LOC128462377: variants seen among roughly 807,000 people sequenced by gnomAD.
At chr16:89,329,876 C>A in the LOC128462377 span, among the ~76,000 whole-genome samples, 1 of 151,934 alleles carries the variant, frequency 6.6e-6, no homozygotes, top group Non-Finnish European at 1.5e-5. Flanking sequence ...CATGGTGGTG[C>A]GTGCCTGTAA....
the LOC128462377 span, among the ~76,000 whole-genome samples, chr16:89,357,726 G>C: frequency 1.3e-5 from 2 of 152,160 alleles, no homozygotes; most frequent in African/African-American, 4.8e-5. Context: ...CCACTCACAG[G>C]GTCCAGGGAC....
the LOC128462377 span, among the ~76,000 whole-genome samples, chr16:89,321,397 C>CGGGACTGTGGGGAG: frequency 2.2e-5 from 2 of 92,492 alleles, no homozygotes; most frequent in African/African-American, 4.4e-5. Context: ...GGCTGCAGGG[C>CGGGACTGTGGGGAG]GGGACTGTGG....
the LOC128462377 span, among the ~76,000 whole-genome samples, chr16:89,349,754 C>T: frequency 6.6e-6 from 1 of 152,008 alleles, no homozygotes; most frequent in Non-Finnish European, 1.5e-5. Flanking sequence ...ACAAAAAGCA[C>T]AAAGTACCCA....
chr16:89,396,980 G>A, the LOC128462377 span, among the ~76,000 whole-genome samples: 1 of 152,088 alleles, frequency 6.6e-6, no homozygotes, highest in Admixed American at 6.5e-5. Context: ...ATGAGCCAGG[G>A]GACTTGACCA....
chr16:89,416,012 G>C, the LOC128462377 span, among the ~76,000 whole-genome samples: 2 of 151,750 alleles, frequency 1.3e-5, no homozygotes, highest in Admixed American at 6.6e-5. Flanking sequence ...CTCATGCTAA[G>C]GGCCTTCCTC....
the LOC128462377 span, among the ~76,000 whole-genome samples, chr16:89,363,624 C>G: frequency 6.7e-6 from 1 of 150,190 alleles, no homozygotes; most frequent in Admixed American, 6.6e-5. Context: ...CAAACGCACT[C>G]TGTGTGCCAA....
chr16:89,380,692 T>C, the LOC128462377 span, among the ~76,000 whole-genome samples: 1 of 152,250 alleles, frequency 6.6e-6, no homozygotes, highest in African/African-American at 2.4e-5. Flanking sequence ...AAGGAAAGCC[T>C]GACGAGTACC....
chr16:89,351,239 A>AGAAT, the LOC128462377 span, among the ~76,000 whole-genome samples: 1 of 152,198 alleles, frequency 6.6e-6, no homozygotes, highest in African/African-American at 2.4e-5. Flanking sequence ...TCCACGGCAA[A>AGAAT]GAATGAAATT....
At chr16:89,366,107 G>A in the LOC128462377 span, among the ~76,000 whole-genome samples, 1 of 140,654 alleles carries the variant, frequency 7.1e-6, no homozygotes, top group Middle Eastern at 4.2e-3. Flanking sequence ...TCTAGCCTGG[G>A]TGACAAAGTG....
At chr16:89,382,161 A>G in the LOC128462377 span, among the ~76,000 whole-genome samples, 50 of 152,036 alleles carry the variant, frequency 3.3e-4, no homozygotes, top group Non-Finnish European at 6.3e-4. Context: ...GTCTGCTCCC[A>G]CCCATCTCCT....
the LOC128462377 span, among the ~76,000 whole-genome samples, chr16:89,378,610 G>T: frequency 6.6e-6 from 1 of 152,196 alleles, no homozygotes; most frequent in Non-Finnish European, 1.5e-5. Flanking sequence ...AGCATGACTA[G>T]CAAGTGCTCA....
the LOC128462377 span, among the ~76,000 whole-genome samples, chr16:89,319,198 T>C: frequency 6.6e-6 from 1 of 152,190 alleles, no homozygotes; most frequent in East Asian, 1.9e-4. Flanking sequence ...ACTCAACAGC[T>C]CTGGCGTGGT....
chr16:89,330,610 C>A, the LOC128462377 span, among the ~76,000 whole-genome samples: 2 of 127,812 alleles, frequency 1.6e-5, no homozygotes, highest in African/African-American at 6.0e-5. Flanking sequence ...CAAGGGGCTG[C>A]GTGAGGGTCC....
At chr16:89,405,395 C>T in the LOC128462377 span, among the ~76,000 whole-genome samples, 2 of 152,002 alleles carry the variant, frequency 1.3e-5, no homozygotes, top group African/African-American at 4.8e-5. Flanking sequence ...GTGATATGAG[C>T]TCACCGTAGC....
chr16:89,330,552 G>A, the LOC128462377 span, among the ~76,000 whole-genome samples: 2 of 151,830 alleles, frequency 1.3e-5, no homozygotes, highest in African/African-American at 4.8e-5. Flanking sequence ...TCATTGATGG[G>A]GTGGTGTGGG....
the LOC128462377 span, among the ~76,000 whole-genome samples, chr16:89,368,265 G>A: frequency 2.7e-4 from 40 of 150,550 alleles, no homozygotes; most frequent in Non-Finnish European, 4.1e-4. Flanking sequence ...GCACAATCTC[G>A]GCTCACTGCA....
the LOC128462377 span, among the ~76,000 whole-genome samples, chr16:89,340,558 A>G: frequency 6.6e-6 from 1 of 152,230 alleles, no homozygotes; most frequent in Non-Finnish European, 1.5e-5. Context: ...TACAGGCATG[A>G]GCCACAGCGC....
the LOC128462377 span, among the ~76,000 whole-genome samples, chr16:89,404,376 A>G: frequency 1.3e-5 from 2 of 152,322 alleles, no homozygotes; most frequent in South Asian, 4.1e-4. Context: ...GCATGAAAAA[A>G]ATTGCCTTCA....
chr16:89,388,859 A>C, the LOC128462377 span, among the ~76,000 whole-genome samples: 2 of 152,240 alleles, frequency 1.3e-5, no homozygotes, highest in African/African-American at 4.8e-5. Context: ...ACCAAGCTCC[A>C]GCCTGTCTCA....
Sources: allele counts gnomAD v4.1 joint callset (sites outside exome capture counted in the v4.1 genomes callset), GRCh38; gene constraint gnomAD v4.1.1; transcripts MANE v1.5.